Variants in MAST4 observed in about 807,000 individuals in gnomAD.
The protein encoded by MAST4 is microtubule associated serine/threonine kinase family member 4.
A neutral mutation model predicts 162.7 loss-of-function variants in MAST4; 89 were observed. That is an observed-to-expected ratio of 0.55 (90% confidence interval 0.46 to 0.65). The LOEUF is 0.65. MAST4 is among the 30% of genes least tolerant of loss of function. The probability of loss-of-function intolerance (pLI) is 0.00; values close to 1 mark genes in which losing one functional copy is unlikely to be tolerated. For missense variants in MAST4, 3,153 were observed against 3,374.0 expected (o/e 0.93, Z 1.62); for synonymous variants, 1,479 against 1,361.1 (o/e 1.09, Z -1.91).
chr5:66,935,222 A>G (rs997579352), intron 4 of MAST4, among the ~76,000 whole-genome samples: 1 of 152,230 alleles, frequency 6.6e-6, no homozygotes. Context: ...TTCATTTAAC[A>G]TGCAGAGAAT....
intron 4 of MAST4, among the ~76,000 whole-genome samples, chr5:66,985,693 G>C (rs1378672276): frequency 6.6e-6 from 1 of 152,138 alleles, no homozygotes; most frequent in Non-Finnish European, 1.5e-5. Context: ...TTAGGTTTTG[G>C]GGTAAGTGGA....
intron 1 of MAST4, among the ~76,000 whole-genome samples, chr5:66,741,088 G>A (rs562663265): frequency 6.6e-6 from 1 of 152,302 alleles, no homozygotes; most frequent in Non-Finnish European, 1.5e-5. Context: ...CAAACATACT[G>A]AATGCACTCT....
At chr5:66,979,273 G>C (rs531440332) in intron 4 of MAST4, among the ~76,000 whole-genome samples, 18 of 152,264 alleles carry the variant, frequency 1.2e-4, no homozygotes, top group African/African-American at 3.9e-4. Flanking sequence ...AGGTGTAGGA[G>C]GTGTCAACAG....
At chr5:66,823,299 A>G (rs1757082105) in intron 3 of MAST4, among the ~76,000 whole-genome samples, 1 of 152,162 alleles carries the variant, frequency 6.6e-6, no homozygotes, top group Admixed American at 6.5e-5. Flanking sequence ...CTAATACACT[A>G]CTTCTACCTT....
At chr5:66,680,253 T>A (rs903789258) in intron 1 of MAST4, among the ~76,000 whole-genome samples, 1 of 152,368 alleles carries the variant, frequency 6.6e-6, no homozygotes, top group East Asian at 1.9e-4. Flanking sequence ...GGCAGAGTTC[T>A]GTTGACTTTG....
In MAST4 at chr5:66,970,450, G is replaced by A. The variant is rs186945072; in HGVS notation, c.674+70468G>A. 3.3e-5 allele frequency among the ~76,000 whole-genome samples: 5 copies of A among 152,296 alleles called. No homozygotes were observed. In the East Asian group the frequency reaches 9.6e-4, roughly 29 times the overall value. ...TGCAGAACCTAGGGGATGAAGTCTT[G>A]TGAGGTCAGATGGCAAGCAGAGCTT... On this transcript the variant is annotated intron_variant, in intron 4 of 28. Transcript: ENST00000403625.
At chr5:66,888,360 C>T (rs925585709) in intron 3 of MAST4, among the ~76,000 whole-genome samples, 1 of 152,138 alleles carries the variant, frequency 6.6e-6, no homozygotes, top group Non-Finnish European at 1.5e-5. Context: ...CTTCATATAG[C>T]AGTTCAAGAG....
At chr5:66,735,606 T>C (rs1328392588) in intron 1 of MAST4, among the ~76,000 whole-genome samples, 2 of 152,230 alleles carry the variant, frequency 1.3e-5, no homozygotes, top group East Asian at 1.9e-4. Flanking sequence ...ATCCATGCGC[T>C]TTGACAATTT....
chr5:66,843,103 T>C (rs1758543173), intron 3 of MAST4, among the ~76,000 whole-genome samples: 1 of 152,302 alleles, frequency 6.6e-6, no homozygotes, highest in Middle Eastern at 3.4e-3. Flanking sequence ...CTACTCCATG[T>C]AAAATGGGGA....
At chr5:66,691,730 A>G (rs1445148984) in intron 1 of MAST4, among the ~76,000 whole-genome samples, 2 of 152,204 alleles carry the variant, frequency 1.3e-5, no homozygotes, top group East Asian at 3.9e-4. Context: ...TAATCCTATT[A>G]TGAGGGGATC....
intron 4 of MAST4, among the ~76,000 whole-genome samples, chr5:67,045,707 A>G (rs2150511063): frequency 6.6e-6 from 1 of 152,342 alleles, no homozygotes; most frequent in Non-Finnish European, 1.5e-5. Flanking sequence ...CATAGATTCA[A>G]GTTGCTCTGT....
chr5:66,596,769 G>C lies in MAST4; in HGVS notation c.114G>C (p.Ser38=). 1 of 1,387,830 alleles carries C rather than the reference G, an allele frequency of 7.2e-7. No individual in the cohort carries two copies. Among genetic ancestry groups the C allele is most frequent in the Non-Finnish European group, 9.4e-7 (1 of 1,068,164 alleles). The allele number at this position is 1,387,830 out of a possible 1,614,324, so 86.0% of individuals were successfully genotyped here. A position where few individuals can be genotyped will look rare whatever the true frequency, so the allele number is the denominator to read the frequency against. Residue 38 remains serine (S), a synonymous_variant, in exon 1 of 29, where the codon TCG becomes TCC. Coordinates refer to ENST00000403625, the MANE Select transcript of MAST4 (RefSeq NM_001164664.2). ...CCGCGTCCTCTCCGGGTGCTTCCTC[G>C]GCCGAGTCCTCCTCGGGCTCAGAAA... The part of the protein sequence containing the change: ...LVAASSPGAS[S]AESSSGSETL...
intron 3 of MAST4, among the ~76,000 whole-genome samples, chr5:66,894,963 G>A (rs1245645832): frequency 6.6e-6 from 1 of 152,138 alleles, no homozygotes; most frequent in Non-Finnish European, 1.5e-5. Flanking sequence ...GAGAGATGAA[G>A]TGAAGGTATG....
intron 1 of MAST4, among the ~76,000 whole-genome samples, chr5:66,644,542 G>A (rs768703594): frequency 3.0e-4 from 46 of 152,136 alleles, no homozygotes; most frequent in Non-Finnish European, 6.8e-4. Context: ...ACACCTTGTG[G>A]AATTATTATT....
intron 3 of MAST4, among the ~76,000 whole-genome samples, chr5:66,876,564 A>G (rs181269953): frequency 1.3e-5 from 2 of 152,252 alleles, no homozygotes; most frequent in Non-Finnish European, 2.9e-5. Flanking sequence ...TATCAGTACA[A>G]TGGGGGAAGT....
intron 3 of MAST4, among the ~76,000 whole-genome samples, chr5:66,796,660 C>A (rs1236900450): frequency 6.6e-6 from 1 of 152,074 alleles, no homozygotes. Flanking sequence ...CAGAGGGGAG[C>A]AAAACAAATT....
chr5:66,965,428 TTAG>T (rs1404506233), intron 4 of MAST4, among the ~76,000 whole-genome samples: 2 of 151,792 alleles, frequency 1.3e-5, no homozygotes, highest in Non-Finnish European at 2.9e-5. Context: ...GATGGCATCA[TTAG>T]TAGAAGAGAA....
intron 4 of MAST4, among the ~76,000 whole-genome samples, chr5:66,990,356 TTGGGTGTGG>T (rs1482096594): frequency 1.3e-5 from 2 of 152,160 alleles, no homozygotes; most frequent in East Asian, 3.8e-4. Context: ...ATAGTCTAGG[TTGGGTGTGG>T]TGGCTCACAC....
intron 2 of MAST4, among the ~76,000 whole-genome samples, chr5:66,761,065 T>C (rs1430305420): frequency 2.0e-5 from 3 of 152,244 alleles, no homozygotes; most frequent in Admixed American, 2.0e-4. Flanking sequence ...TGTGCGTTCT[T>C]GCTAACCTGT....
Sources: allele counts gnomAD v4.1 joint callset (sites outside exome capture counted in the v4.1 genomes callset), GRCh38; gene constraint gnomAD v4.1.1; transcripts MANE v1.5; gene names NCBI Gene and HGNC (gene_info 2026-07-23, HGNC 2026-07-21).